The following LCMT1 variants were observed in gnomAD, a reference collection of about 807,000 sequenced individuals.
LCMT1 encodes the protein leucine carboxyl methyltransferase 1.
In LCMT1, 32 loss-of-function variants were observed where a neutral mutation model predicts 47.7. The observed-to-expected ratio is 0.67, with a 90% confidence interval of 0.51 to 0.90. LCMT1 has a LOEUF of 0.90. Ranked by LOEUF, LCMT1 falls within the 40% of genes least tolerant of loss-of-function variation. The pLI is 0.00. For missense variants in LCMT1, 375 were observed against 415.2 expected, an observed-to-expected ratio of 0.90 and a Z score of 0.84; for synonymous variants, 152 against 149.7, an observed-to-expected ratio of 1.02 and a Z score of -0.11.
intron 4 of LCMT1, chr16:25,144,885 C>T (rs1315032912): frequency 1.3e-5 from 2 of 152,228 alleles, no homozygotes; most frequent in African/African-American, 4.8e-5. Context: ...CTCTCACAAA[C>T]ATACAAGGTA....
chr16:25,137,541 C>T (rs1960539356), intron 3 of LCMT1, among the ~76,000 whole-genome samples: 1 of 152,076 alleles, frequency 6.6e-6, no homozygotes, highest in African/African-American at 2.4e-5. Flanking sequence ...TCCTCCCAGG[C>T]TCAAGCCATC....
chr16:25,176,927 C>T (rs951724323), intron 10 of LCMT1, among the ~76,000 whole-genome samples: 1 of 151,378 alleles, frequency 6.6e-6, no homozygotes, highest in African/African-American at 2.4e-5. Context: ...TGCCTGTAAT[C>T]CCAGCACTTT....
chr16:25,151,661 T>C (rs1567321299), intron 5 of LCMT1, 46 bp downstream of exon 5: 1 of 1,474,456 alleles, frequency 6.8e-7, no homozygotes, highest in Admixed American at 1.8e-5. Flanking sequence ...GTATTTTTGC[T>C]TCCCACCCCC....
chr16:25,171,806 A>C (rs1340392360), intron 9 of LCMT1, among the ~76,000 whole-genome samples: 3 of 152,326 alleles, frequency 2.0e-5, no homozygotes, highest in Non-Finnish European at 2.9e-5. Context: ...CTGTAGTCAC[A>C]CCTGGGAGGT....
At chr16:25,135,284 A>AATATATATATATATATATATAT (rs779986194) in intron 3 of LCMT1, among the ~76,000 whole-genome samples, 1 of 140,606 alleles carries the variant, frequency 7.1e-6, no homozygotes, top group African/African-American at 2.5e-5. Flanking sequence ...TTTCTTTTAA[A>AATATATATATATATATATATAT]ATATATATCT....
At chr16:25,120,738 TGTTTTTTTTTTTTG>T (rs1241882760) in intron 1 of LCMT1, among the ~76,000 whole-genome samples, 2 of 146,448 alleles carry the variant, frequency 1.4e-5, no homozygotes, top group African/African-American at 5.3e-5. Context: ...CTTGTTTTTT[TGTTTTTTTTTTTTG>T]TTTTTTTTTT....
At position 25,177,997 on chromosome 16, in the gene LCMT1, T is replaced by C. The variant is rs966100313; in HGVS notation, c.983-4T>C. 11 of 1,613,638 alleles carry C rather than the reference T, an allele frequency of 6.8e-6. No individual in the cohort carries two copies. In the African/African-American group the frequency reaches 1.1e-4, roughly 16 times the overall value. ...TAATGGTGTCTGTGTGTCTCTCCCC[T>C]CAGGGCTGAAGGAGATAACTTATTA... On this transcript the variant is annotated splice_polypyrimidine_tract_variant and splice_region_variant and intron_variant, in intron 10 of 10. Coordinates refer to ENST00000399069, the MANE Select transcript of LCMT1 (RefSeq NM_016309.3).
chr16:25,126,465 C>T (rs60713925), intron 1 of LCMT1, among the ~76,000 whole-genome samples: 1,238 of 152,366 alleles, frequency 8.1e-3, no homozygotes, highest in Middle Eastern at 0.017. Flanking sequence ...GGGCTCGCCA[C>T]GGCCATCCCC....
intron 5 of LCMT1, among the ~76,000 whole-genome samples, chr16:25,153,335 G>A (rs1402287093): frequency 6.6e-6 from 1 of 152,230 alleles, no homozygotes; most frequent in African/African-American, 2.4e-5. Flanking sequence ...GTACAGTTCT[G>A]GAAGCTGAGA....
At chr16:25,117,020 A>C (rs1446051464) in intron 1 of LCMT1, among the ~76,000 whole-genome samples, 3 of 152,140 alleles carry the variant, frequency 2.0e-5, no homozygotes, top group African/African-American at 7.2e-5. Flanking sequence ...GGGAGTGGGT[A>C]GCAGGTTAGA....
At position 25,123,223 on chromosome 16, in the gene LCMT1, C is replaced by CTTTTTT. The variant is rs750991801; in HGVS notation, c.114-5238_114-5233dup. Among the ~76,000 whole-genome samples, 361 of 116,126 alleles carry CTTTTTT rather than the reference C, an allele frequency of 3.1e-3. 8 individuals are homozygous for CTTTTTT. The highest frequency in any genetic ancestry group is 0.011 in the African/African-American group (340 of 30,226). The allele number at this position is 116,126 out of a possible 152,430, so 76.2% of individuals were successfully genotyped here. On this transcript the variant is annotated intron_variant, in intron 1 of 10. Coordinates refer to ENST00000399069, the MANE Select transcript of LCMT1 (RefSeq NM_016309.3). ...ACAACACTTGTATTATATATAACTT[C>CTTTTTT]TTTTTTTTTTTTTTTTTTTGTGACA...
chr16:25,119,047 C>T (rs987200894), intron 1 of LCMT1, among the ~76,000 whole-genome samples: 4 of 152,096 alleles, frequency 2.6e-5, no homozygotes, highest in African/African-American at 7.2e-5. Context: ...ATCAGTTAGT[C>T]GGCTGTGGGG....
In LCMT1 at chr16:25,128,968, A is replaced by G. The variant is rs187899329; in HGVS notation, c.205+402A>G. Among the ~76,000 whole-genome samples, 193 of 144,874 alleles carry G rather than the reference A, an allele frequency of 1.3e-3. 1 individual carries two copies. The highest frequency in any genetic ancestry group is 4.7e-3 in the African/African-American group (186 of 39,170). On this transcript the variant is annotated intron_variant, in intron 2 of 10. Coordinates refer to ENST00000399069, the MANE Select transcript of LCMT1 (RefSeq NM_016309.3). ...AATACCTAGTGCATGCAGGGCTTAA[A>G]AATCTAAATGACAGGTTGATGAGTG...
intron 5 of LCMT1, among the ~76,000 whole-genome samples, chr16:25,157,573 C>A (rs1024542757): frequency 1.3e-5 from 2 of 151,822 alleles, no homozygotes; most frequent in East Asian, 1.9e-4. Context: ...AAAAAAAAAA[C>A]TGATTAGGAC....
chr16:25,111,864 T>C lies in LCMT1; in HGVS notation c.-20T>C. 1 of 1,554,174 alleles carries C rather than the reference T, an allele frequency of 6.4e-7. No individual in the cohort carries two copies. Among genetic ancestry groups the C allele is most frequent in the Non-Finnish European group, 8.9e-7 (1 of 1,128,574 alleles). ...CTTCCATGTCCCTGGCGGACACAGC[T>C]CCCAGGAACCTCCACGCCCATGGCC... On this transcript the variant is annotated 5_prime_UTR_variant, in exon 1 of 11. Coordinates refer to ENST00000399069, the MANE Select transcript of LCMT1 (RefSeq NM_016309.3).
intron 4 of LCMT1, among the ~76,000 whole-genome samples, chr16:25,150,645 G>T (rs923106810): frequency 6.6e-6 from 1 of 151,784 alleles, no homozygotes; most frequent in Non-Finnish European, 1.5e-5. Flanking sequence ...TGCCTGGCCC[G>T]CATCTTAATA....
rs565270815 is a variant in LCMT1 at position 25,160,811 on chromosome 16, C to G, written c.467-291C>G. On this transcript the variant is annotated intron_variant, in intron 5 of 10. Transcript: ENST00000399069. ...ATATTGGGTGGTCCCATTTTCTTTT[C>G]TCTATTCAGGATGTGTGTATGTGTG... 8.7e-6 allele frequency: 5 copies of G among 577,928 alleles called. No individual in the cohort carries two copies. The African/African-American group carries it at 9.2e-5, about 11-fold the overall frequency. 35.8% of individuals were successfully genotyped at this position (577,928 alleles called of 1,614,324 possible).
intron 1 of LCMT1, among the ~76,000 whole-genome samples, chr16:25,115,534 G>T (rs572106072): frequency 3.3e-5 from 5 of 151,990 alleles, no homozygotes; most frequent in African/African-American, 1.2e-4. Flanking sequence ...CCCTTTCTCC[G>T]GATACTTAAT....
At chr16:25,132,938 G>A (rs1960397701) in intron 3 of LCMT1, among the ~76,000 whole-genome samples, 1 of 150,180 alleles carries the variant, frequency 6.7e-6, no homozygotes, top group Admixed American at 6.7e-5. Flanking sequence ...GCTCATTACA[G>A]CCTCGAACTG....
Sources: allele counts gnomAD v4.1 joint callset (sites outside exome capture counted in the v4.1 genomes callset), GRCh38; gene constraint gnomAD v4.1.1; transcripts MANE v1.5; gene names NCBI Gene and HGNC (gene_info 2026-07-23, HGNC 2026-07-21).